The following PRR13 variants were observed in gnomAD, a reference collection of about 807,000 sequenced individuals.
PRR13 encodes proline rich 13, also known as proline-rich protein 13.
In PRR13, 7 loss-of-function variants were observed where a neutral mutation model predicts 11.5. That is an observed-to-expected ratio of 0.61 (90% CI 0.34 to 1.14). PRR13 has a LOEUF of 1.14. Among genes scored for constraint, PRR13 ranks in the 50% most tolerant of loss-of-function variants. The pLI, the probability that PRR13 is intolerant of heterozygous loss-of-function variation, is 0.03. For missense variants in PRR13, 155 were observed against 194.4 expected, an observed-to-expected ratio of 0.80 and a Z score of 1.21; for synonymous variants, 53 against 67.8, an observed-to-expected ratio of 0.78 and a Z score of 1.07.
At chr12:53,444,063 C>T in intron 3 of PRR13, 1 of 466,638 alleles carries the variant, frequency 2.1e-6, no homozygotes, top group East Asian at 3.1e-5. Flanking sequence ...AACTTTTGCT[C>T]CCCTCCCGCC....
intron 1 of PRR13, 194 bp downstream of exon 1, chr12:53,441,986 T>A (rs1287175296): frequency 1.7e-6 from 1 of 604,158 alleles, no homozygotes; most frequent in Non-Finnish European, 2.9e-6. Flanking sequence ...ATCCTTTTTT[T>A]AGCCTGAGGT....
At chr12:53,441,916 C>T (rs1940299736) in intron 1 of PRR13, 124 bp downstream of exon 1, 2 of 679,474 alleles carry the variant, frequency 2.9e-6, no homozygotes, top group Non-Finnish European at 2.7e-6. Flanking sequence ...GGGGCTGTGT[C>T]CACATATTTA....
intron 2 of PRR13, chr12:53,443,002 G>A (rs1354151455): frequency 5.1e-6 from 2 of 392,830 alleles, no homozygotes; most frequent in South Asian, 6.3e-5. Context: ...GATTACAGAC[G>A]CATGCTATCA....
intron 3 of PRR13, among the ~76,000 whole-genome samples, chr12:53,444,820 C>A (rs1300634642): frequency 1.3e-5 from 2 of 151,878 alleles, no homozygotes; most frequent in Non-Finnish European, 2.9e-5. Flanking sequence ...ATTGCTTGAA[C>A]CCGGGAGGCA....
intron 3 of PRR13, among the ~76,000 whole-genome samples, chr12:53,444,532 T>C (rs1260323169): frequency 1.3e-5 from 2 of 152,180 alleles, no homozygotes; most frequent in African/African-American, 4.8e-5. Flanking sequence ...GGTTTCACCG[T>C]GTTAGCCAAG....
At chr12:53,443,235 T>C (rs961557377) in intron 2 of PRR13, 156 bp from the exon 3 acceptor site, 1 of 730,474 alleles carries the variant, frequency 1.4e-6, no homozygotes, top group Non-Finnish European at 2.0e-6. Flanking sequence ...CCCCCTTTTC[T>C]CCCCAACTCA....
intron 3 of PRR13, among the ~76,000 whole-genome samples, chr12:53,444,888 C>G (rs1424748293): frequency 6.6e-6 from 1 of 151,974 alleles, no homozygotes; most frequent in Non-Finnish European, 1.5e-5. Flanking sequence ...ACAGATAAGA[C>G]TCCATCTCAA....
intron 2 of PRR13, 128 bp from the exon 3 acceptor site, chr12:53,443,263 C>G (rs1940331994): frequency 1.2e-5 from 13 of 1,051,596 alleles, no homozygotes; most frequent in African/African-American, 1.6e-5. Context: ...CTCCCCTACC[C>G]TCCATTCTTC....
At chr12:53,445,873 C>A in intron 3 of PRR13, 142 bp from the exon 4 acceptor site, 1 of 1,166,224 alleles carries the variant, frequency 8.6e-7, no homozygotes, top group Non-Finnish European at 1.3e-6. Flanking sequence ...TAGGTACAGT[C>A]TGTTCAAGAC....
At chr12:53,442,381 A>G in intron 1 of PRR13, 1 of 289,480 alleles carries the variant, frequency 3.5e-6, no homozygotes, top group Non-Finnish European at 6.6e-6. Flanking sequence ...AATAACTGGG[A>G]TTACAGGTGC....
rs1555204435 is a variant in PRR13, at chr12:53,446,044, C to T, written c.432C>T (p.Ser144=). The T allele has an allele frequency of 3.7e-6, 6 of 1,607,658 alleles. No homozygotes were observed. The highest frequency in any genetic ancestry group is 5.1e-6 in the Non-Finnish European group (6 of 1,177,668). Residue 144 remains serine (S), a synonymous_variant, in exon 4 of 4, where the codon AGC becomes AGT. Coordinates refer to ENST00000429243, the MANE Select transcript of PRR13 (RefSeq NM_018457.4). The part of the protein sequence containing the change: ...KHSSSSSSSS[S]SDSD ...CCTCCTCTTCCTCCTCCTCTTCCAG[C>T]AGTGATTCTGACTGAATACAGGCCC...
intron 1 of PRR13, chr12:53,442,021 A>G: frequency 1.7e-6 from 1 of 590,276 alleles, no homozygotes; most frequent in South Asian, 2.1e-5. Context: ...GGAGAGAGAA[A>G]GTTGTTTGAG....
chr12:53,443,315 G>T (rs778028198), intron 2 of PRR13, 76 bp from the exon 3 acceptor site: 52 of 1,281,262 alleles, frequency 4.1e-5, no homozygotes, highest in East Asian at 2.8e-4. Flanking sequence ...GAGTGAGAAA[G>T]AATCTCTTTC....
At chr12:53,444,034 T>G in intron 3 of PRR13, 1 of 518,052 alleles carries the variant, frequency 1.9e-6, no homozygotes, top group Non-Finnish European at 3.3e-6. Context: ...GCCAAATCTT[T>G]TCTGCCCTAC....
intron 1 of PRR13, chr12:53,442,066 C>T (rs1940302355): frequency 1.9e-6 from 1 of 522,030 alleles, no homozygotes; most frequent in African/African-American, 1.9e-5. Context: ...TAAAGGCCTC[C>T]GTACTCAGTT....
rs1280754569 is a variant in PRR13, at chr12:53,443,586, A to G, written c.215A>G (p.Gln72Arg). ...CCACAGCCAGGGTATCCAGGATGCC[A>G]ACCGTTGGGTCCCTACCCTCCTCCA... ...PVPQPGYPGC[Q>R]PLGPYPPPYP... Residue 72 changes from glutamine (Q) to arginine (R), a missense_variant, in exon 3 of 4, where the codon CAA (glutamine) becomes CGA (arginine). Physicochemically the swap from Gln to Arg is conservative, Grantham distance 43. Coordinates refer to ENST00000429243, the MANE Select transcript of PRR13 (RefSeq NM_018457.4). The G allele has an allele frequency of 3.7e-6, 6 of 1,609,918 alleles. No individual in the cohort carries two copies. Among genetic ancestry groups the G allele is most frequent in the Non-Finnish European group, 5.1e-6 (6 of 1,177,824 alleles).
In PRR13 at chr12:53,446,095, GT is replaced by G; in HGVS notation, c.*38del. ...TGGACCCTTCCCTCAAGTCTCACCA[GT>G]TCTGCTCTCCCATCAAGCTTCAGAT... is the stretch of plus-strand genomic sequence containing the variant. On this transcript the variant is annotated 3_prime_UTR_variant, in exon 4 of 4. Transcript: ENST00000429243. 1.2e-6 allele frequency: 2 copies of G among 1,611,572 alleles called. No homozygotes were observed. The highest frequency in any genetic ancestry group is 1.7e-6 in the Non-Finnish European group (2 of 1,179,982).
In PRR13 at chr12:53,441,765, C is replaced by G. The variant is rs1179931285; in HGVS notation, c.-48C>G. Reference sequence around the variant, plus strand: ...GAAGAGCCGAGACTGCGAAGGAGAACGCAGCAAGCCCAGGCGGCGGTGGAA... The same window carrying G: ...GAAGAGCCGAGACTGCGAAGGAGAAGGCAGCAAGCCCAGGCGGCGGTGGAA... On this transcript the variant is annotated 5_prime_UTR_variant, in exon 1 of 4. Transcript: ENST00000429243. 2.3e-5 allele frequency: 16 copies of G among 702,112 alleles called. No individual in the cohort carries two copies. Among genetic ancestry groups the G allele is most frequent in the Middle Eastern group, 2.3e-4 (1 of 4,256 alleles). The allele number at this position is 702,112 out of a possible 1,614,324, so 43.5% of individuals were successfully genotyped here.
chr12:53,444,048 C>T, intron 3 of PRR13: 2 of 490,394 alleles, frequency 4.1e-6, no homozygotes, highest in Non-Finnish European at 7.1e-6. Flanking sequence ...GCCCTACTCT[C>T]CCAGAACTTT....
Sources: gnomAD v4.1 joint callset for allele counts (sites outside exome capture counted in the v4.1 genomes callset) on GRCh38, gnomAD v4.1.1 for gene constraint, MANE v1.5 for transcripts, NCBI Gene and HGNC (gene_info 2026-07-23, HGNC 2026-07-21) for gene names.